The following GRIN2A variants were observed in gnomAD, a reference collection of about 807,000 sequenced individuals.
GRIN2A encodes glutamate ionotropic receptor NMDA type subunit 2A.
GRIN2A carries 22 observed loss-of-function variants against 113.4 expected under a neutral mutation model. The observed-to-expected ratio is 0.19, with a 90% CI of 0.14 to 0.28. The LOEUF (loss-of-function observed/expected upper bound fraction) is 0.28, where lower values mean the gene tolerates loss of function less well. Ranked by LOEUF, GRIN2A falls within the 10% of genes least tolerant of loss-of-function variation. The pLI, the probability that GRIN2A is intolerant of heterozygous loss-of-function variation, is 1.00. For missense variants in GRIN2A, 1,502 were observed against 1,887.0 expected (o/e 0.80, Z 3.78); for synonymous variants, 827 against 738.4 (o/e 1.12, Z -1.94).
chr16:9,990,559 GCGCGCACACACACACACA>G (rs1179918614), intron 2 of GRIN2A, among the ~76,000 whole-genome samples: 8 of 94,570 alleles, frequency 8.5e-5, no homozygotes, highest in Admixed American at 4.6e-4. Context: ...GCGCGCGCGC[GCGCGCACACACACACACA>G]CACACACACA....
chr16:9,817,400 A>C (rs1191891458), intron 10 of GRIN2A, among the ~76,000 whole-genome samples: 1 of 152,210 alleles, frequency 6.6e-6, no homozygotes, highest in Non-Finnish European at 1.5e-5. Flanking sequence ...GCATTTTGAC[A>C]GGTAATCATG....
At position 9,764,531 on chromosome 16, in the gene GRIN2A, T is replaced by C; in HGVS notation, c.3013A>G (p.Lys1005Glu). The C allele has an allele frequency of 1.2e-6, 2 of 1,614,092 alleles. No individual in the cohort carries two copies. Among genetic ancestry groups the C allele is most frequent in the Non-Finnish European group, 1.7e-6 (2 of 1,180,018 alleles). Residue 1005 changes from lysine to glutamate, a missense_variant, in exon 13 of 13, where the codon AAA (lysine) becomes GAA (glutamate). This residue lies in a region of GRIN2A where 832 missense variants were observed against 789.7 expected (regional missense o/e 1.05). Coordinates refer to ENST00000330684, the MANE Select transcript of GRIN2A (RefSeq NM_001134407.3). ...TVEVAVSTES[K>E]ANSRPRQLWK... ...AGCTGCCGGGGTCTAGAGTTCGCTT[T>C]GGATTCTGTGCTCACGGCCACCTCC...
chr16:9,781,602 C>A (rs369557697), intron 11 of GRIN2A, among the ~76,000 whole-genome samples: 1 of 152,112 alleles, frequency 6.6e-6, no homozygotes, highest in Non-Finnish European at 1.5e-5. Context: ...CTCAAGCAAT[C>A]CCCCCACCTT....
intron 9 of GRIN2A, among the ~76,000 whole-genome samples, chr16:9,824,975 G>A (rs567350866): frequency 9.2e-4 from 140 of 152,206 alleles, no homozygotes; most frequent in African/African-American, 3.0e-3. Flanking sequence ...CTCCCAGAGA[G>A]TTCCACGTGC....
intron 2 of GRIN2A, among the ~76,000 whole-genome samples, chr16:9,997,952 A>G (rs2046255980): frequency 6.6e-6 from 1 of 152,178 alleles, no homozygotes; most frequent in African/African-American, 2.4e-5. Context: ...TTTCTTTGTA[A>G]ATTACCCAGT....
At chr16:10,037,191 C>T (rs1036603072) in intron 2 of GRIN2A, 2 of 151,966 alleles carry the variant, frequency 1.3e-5, no homozygotes, top group Admixed American at 6.6e-5. Context: ...CTGACCTGGT[C>T]GGTCATTTAA....
At chr16:10,121,442 C>A (rs1303265180) in intron 2 of GRIN2A, 1 of 150,644 alleles carries the variant, frequency 6.6e-6, no homozygotes, top group African/African-American at 2.4e-5. Flanking sequence ...CCACAGATAC[C>A]TTCTCCTCTG....
chr16:10,129,151 C>A (rs1047340735), intron 2 of GRIN2A, among the ~76,000 whole-genome samples: 8 of 151,992 alleles, frequency 5.3e-5, no homozygotes, highest in African/African-American at 7.3e-5. Context: ...TCAGAGCTCA[C>A]TGCAGCCTCA....
In GRIN2A at chr16:10,109,029, A is replaced by AC. The variant is rs947683249; in HGVS notation, c.414+70968_414+70969insG. 1.4e-4 allele frequency among the ~76,000 whole-genome samples: 21 copies of AC among 150,452 alleles called. 1 individual carries two copies. The highest frequency in any genetic ancestry group is 5.2e-4 in the African/African-American group (21 of 40,318). ...TGATTCTCTTTAAAAAAAAAAAAAA[A>AC]AAAAAACAAAATTGATAAACCTAGG... On this transcript the variant is annotated intron_variant, in intron 2 of 12. Coordinates refer to ENST00000330684, the MANE Select transcript of GRIN2A (RefSeq NM_001134407.3).
At chr16:9,975,135 G>A (rs1308041533) in intron 2 of GRIN2A, among the ~76,000 whole-genome samples, 1 of 151,964 alleles carries the variant, frequency 6.6e-6, no homozygotes, top group Admixed American at 6.6e-5. Flanking sequence ...TGAGATGAGA[G>A]GTATAGATTA....
intron 2 of GRIN2A, among the ~76,000 whole-genome samples, chr16:10,011,428 T>G (rs2046503110): frequency 6.6e-6 from 1 of 152,162 alleles, no homozygotes; most frequent in Non-Finnish European, 1.5e-5. Context: ...ATATTCTATT[T>G]CCTTTTGCCT....
chr16:9,804,489 C>G (rs185651635), intron 10 of GRIN2A, among the ~76,000 whole-genome samples: 1 of 152,034 alleles, frequency 6.6e-6, no homozygotes, highest in South Asian at 2.1e-4. Flanking sequence ...ATTCTCAGTT[C>G]CTACCCAGGT....
At chr16:10,078,511 A>G (rs886592606) in intron 2 of GRIN2A, among the ~76,000 whole-genome samples, 3 of 151,932 alleles carry the variant, frequency 2.0e-5, no homozygotes, top group Non-Finnish European at 2.9e-5. Flanking sequence ...GAGATGCAGG[A>G]GGGAAGGAGA....
intron 2 of GRIN2A, among the ~76,000 whole-genome samples, chr16:9,946,029 T>C (rs1430764850): frequency 6.6e-6 from 1 of 152,148 alleles, no homozygotes; most frequent in Non-Finnish European, 1.5e-5. Context: ...TTGATTCTCG[T>C]TGCAGCTGAT....
At position 9,757,541 on chromosome 16, in the gene GRIN2A, A is replaced by T. The variant is rs913707223; in HGVS notation, c.*5608T>A. On this transcript the variant is annotated 3_prime_UTR_variant, in exon 13 of 13. Coordinates refer to ENST00000330684, the MANE Select transcript of GRIN2A (RefSeq NM_001134407.3). Reference sequence around the variant, plus strand: ...AACCATAAGCTACTTATGGGAAGAGACTATATTTTCTATTTATTTTGCATC... The same window carrying T: ...AACCATAAGCTACTTATGGGAAGAGTCTATATTTTCTATTTATTTTGCATC... 8.8e-6 allele frequency: 2 copies of T among 227,666 alleles called. No homozygotes were observed. Among genetic ancestry groups the T allele is most frequent in the African/African-American group, 4.4e-5 (2 of 44,998 alleles). The allele number at this position is 227,666 out of a possible 1,614,324, so 14.1% of individuals were successfully genotyped here. A position where few individuals can be genotyped will look rare whatever the true frequency, so the allele number is the denominator to read the frequency against.
At chr16:9,930,774 T>G (rs1383926675) in intron 3 of GRIN2A, among the ~76,000 whole-genome samples, 1 of 152,190 alleles carries the variant, frequency 6.6e-6, no homozygotes. Context: ...TAAAAATATG[T>G]CAACCAGGTT....
chr16:9,931,024 G>A (rs982233323), intron 3 of GRIN2A, among the ~76,000 whole-genome samples: 2 of 152,152 alleles, frequency 1.3e-5, no homozygotes, highest in African/African-American at 4.8e-5. Context: ...GTCATGCCAG[G>A]TGTCATCAAT....
At chr16:10,021,688 G>T (rs1255538813) in intron 2 of GRIN2A, among the ~76,000 whole-genome samples, 1 of 152,068 alleles carries the variant, frequency 6.6e-6, no homozygotes, top group Admixed American at 6.5e-5. Flanking sequence ...CATTCCAGGT[G>T]GAAAGAAAAG....
chr16:10,159,212 C>G (rs971884781), intron 2 of GRIN2A, among the ~76,000 whole-genome samples: 2 of 152,118 alleles, frequency 1.3e-5, no homozygotes, highest in Non-Finnish European at 2.9e-5. Flanking sequence ...AATATACATC[C>G]GTCCCTCATG....
Sources: allele counts gnomAD v4.1 joint callset (sites outside exome capture counted in the v4.1 genomes callset), GRCh38; gene constraint gnomAD v4.1.1; regional missense constraint gnomAD v4.1.1; transcripts MANE v1.5; gene names NCBI Gene and HGNC (gene_info 2026-07-23, HGNC 2026-07-21).